Variants in PSPH observed in about 807,000 individuals in gnomAD.
PSPH encodes the protein L-3-phosphoserine phosphatase.
PSPH carries 16 observed loss-of-function variants against 23.4 expected under a neutral mutation model. The ratio of observed to expected loss-of-function variants is 0.68; its 90% CI spans 0.46 to 1.04. The LOEUF (loss-of-function observed/expected upper bound fraction) is 1.04. Ranked by LOEUF, PSPH falls within the 50% of genes least tolerant of loss-of-function variation. The probability of loss-of-function intolerance (pLI) is 0.00; values close to 1 mark genes in which losing one functional copy is unlikely to be tolerated. For missense variants in PSPH, 223 were observed against 273.7 expected (o/e 0.81, Z 1.31); for synonymous variants, 68 against 99.7 (o/e 0.68, Z 1.89).
chr7:56,024,137 G>T (rs1055416835), intron 3 of PSPH, among the ~76,000 whole-genome samples: 8 of 151,214 alleles, frequency 5.3e-5, no homozygotes, highest in African/African-American at 1.9e-4. Flanking sequence ...CCGTGGTCTC[G>T]ATCTCCTGAC....
intron 1 of PSPH, among the ~76,000 whole-genome samples, chr7:56,045,007 G>C (rs1283168414): frequency 6.7e-6 from 1 of 148,510 alleles, no homozygotes; most frequent in East Asian, 2.0e-4. Flanking sequence ...GGGAGGTGGA[G>C]ATTGCAGTGA....
intron 3 of PSPH, among the ~76,000 whole-genome samples, chr7:56,029,002 A>G (rs1790581413): frequency 6.6e-6 from 1 of 151,784 alleles, no homozygotes; most frequent in South Asian, 2.1e-4. Flanking sequence ...TTTAGTAGAG[A>G]TGGGGTTTCA....
chr7:56,030,949 C>T (rs372188272), intron 3 of PSPH, among the ~76,000 whole-genome samples: 9 of 152,036 alleles, frequency 5.9e-5, no homozygotes, highest in Admixed American at 1.3e-4. Flanking sequence ...CGGTGGCTCA[C>T]GCCTGTAATC....
intron 3 of PSPH, among the ~76,000 whole-genome samples, chr7:56,027,823 A>T (rs139505563): frequency 4.1e-4 from 62 of 150,724 alleles, no homozygotes; most frequent in African/African-American, 1.4e-3. Flanking sequence ...AGGCTAAGAC[A>T]GCAGGATCAC....
chr7:56,028,002 T>G (rs1790457648), intron 3 of PSPH, among the ~76,000 whole-genome samples: 1 of 145,534 alleles, frequency 6.9e-6, no homozygotes, highest in African/African-American at 2.6e-5. Context: ...AAGGGTGCAG[T>G]GAGGCCACAG....
At chr7:56,044,444 T>C (rs1248667019) in intron 1 of PSPH, among the ~76,000 whole-genome samples, 1 of 151,912 alleles carries the variant, frequency 6.6e-6, no homozygotes, top group Non-Finnish European at 1.5e-5. Flanking sequence ...AATGATGCAA[T>C]AGAAAAATTA....
At chr7:56,013,192 C>CAT (rs1554346594) in intron 7 of PSPH, among the ~76,000 whole-genome samples, 22 of 137,804 alleles carry the variant, frequency 1.6e-4, no homozygotes, top group East Asian at 4.8e-4. Context: ...CACACACACA[C>CAT]ATATATATAG....
intron 3 of PSPH, among the ~76,000 whole-genome samples, chr7:56,025,274 C>T (rs1295798141): frequency 1.3e-5 from 2 of 151,780 alleles, no homozygotes; most frequent in African/African-American, 4.8e-5. Context: ...CACATACACA[C>T]ACACACATTT....
intron 1 of PSPH, among the ~76,000 whole-genome samples, chr7:56,034,985 C>A (rs1791547110): frequency 6.6e-6 from 1 of 152,114 alleles, no homozygotes; most frequent in African/African-American, 2.4e-5. Flanking sequence ...GATCCTTCCT[C>A]CTTGGCCTCC....
chr7:56,014,156 G>C (rs145433251), intron 7 of PSPH, among the ~76,000 whole-genome samples: 49 of 152,132 alleles, frequency 3.2e-4, no homozygotes, highest in African/African-American at 1.2e-3. Context: ...CATAATATTT[G>C]ACTTCACAGG....
intron 1 of PSPH, among the ~76,000 whole-genome samples, chr7:56,045,133 G>T (rs536778109): frequency 1.3e-5 from 2 of 150,738 alleles, no homozygotes; most frequent in Admixed American, 6.6e-5. Context: ...CATTCATTCA[G>T]TCAGTCATTC....
intron 1 of PSPH, among the ~76,000 whole-genome samples, chr7:56,041,850 G>C (rs1233585115): frequency 6.6e-6 from 1 of 152,032 alleles, no homozygotes; most frequent in Non-Finnish European, 1.5e-5. Context: ...CTTGAACTGG[G>C]AGGCAGAGGT....
At chr7:56,043,277 A>G (rs1322046801) in intron 1 of PSPH, 2 of 151,840 alleles carry the variant, frequency 1.3e-5, no homozygotes, top group Non-Finnish European at 2.9e-5. Context: ...TCAAAAAAAA[A>G]AAGACAGCTG....
At chr7:56,025,800 C>A (rs1790111026) in intron 3 of PSPH, among the ~76,000 whole-genome samples, 1 of 152,126 alleles carries the variant, frequency 6.6e-6, no homozygotes, top group African/African-American at 2.4e-5. Context: ...CACCATGTTG[C>A]CCAGGCTGGT....
intron 3 of PSPH, 131 bp from the exon 4 acceptor site, chr7:56,021,362 A>T: frequency 1.2e-6 from 1 of 800,516 alleles, no homozygotes; most frequent in Non-Finnish European, 2.0e-6. Flanking sequence ...TCACAGATTC[A>T]TTTTTTTTTC....
chr7:56,014,555 A>G (rs984104678), intron 7 of PSPH, among the ~76,000 whole-genome samples: 1 of 152,156 alleles, frequency 6.6e-6, no homozygotes, highest in Non-Finnish European at 1.5e-5. Context: ...GGGTCTCACT[A>G]TGTTGACCAG....
At chr7:56,034,807 C>T (rs1439123057) in intron 1 of PSPH, among the ~76,000 whole-genome samples, 1 of 152,190 alleles carries the variant, frequency 6.6e-6, no homozygotes, top group African/African-American at 2.4e-5. Flanking sequence ...TGAGCCACCA[C>T]GCCCGGCCAA....
In PSPH at chr7:56,017,354, G is replaced by A. The variant is rs1264747554; in HGVS notation, c.301C>T (p.Arg101Ter). 5.6e-6 allele frequency: 9 copies of A among 1,604,180 alleles called. No homozygotes were observed. The highest frequency in any genetic ancestry group is 6.8e-6 in the Non-Finnish European group (8 of 1,175,304). ...GATATTAGGAAAACCTGAACATTTC[G>A]CTCCTGTAGGCGACTTACCAGCTCC... ...IRELVSRLQE[R>*]NVQVFLISGG... Residue 101 changes from arginine to a stop codon, truncating the protein, a stop_gained, in exon 6 of 8, where the codon CGA becomes TGA. Transcript: ENST00000275605. LOFTEE classifies it high-confidence loss of function.
chr7:56,033,770 C>A (rs1791355237), intron 2 of PSPH, among the ~76,000 whole-genome samples, 191 bp downstream of exon 2: 1 of 152,076 alleles, frequency 6.6e-6, no homozygotes, highest in Non-Finnish European at 1.5e-5. Context: ...CAACAGGCAG[C>A]TGCTGTAAGA....
Sources: gnomAD v4.1 joint callset for allele counts (sites outside exome capture counted in the v4.1 genomes callset) on GRCh38, gnomAD v4.1.1 for gene constraint, MANE v1.5 for transcripts, NCBI Gene and HGNC (gene_info 2026-07-23, HGNC 2026-07-21) for gene names.